NELL1: variants seen among roughly 807,000 people sequenced by gnomAD.
NELL1 encodes the protein protein kinase C-binding protein NELL1.
Under a neutral mutation model 107.4 loss-of-function variants are expected in NELL1, and 76 were observed. That is an observed-to-expected ratio of 0.71 (90% CI 0.59 to 0.86). The LOEUF is 0.86. Among genes scored for constraint, NELL1 ranks in the 40% least tolerant of loss-of-function variants. The probability of loss-of-function intolerance (pLI) is 0.00; values close to 1 mark genes in which losing one functional copy is unlikely to be tolerated. For missense variants in NELL1, 1,024 were observed against 1,005.5 expected (o/e 1.02, Z -0.25); for synonymous variants, 353 against 341.2 (o/e 1.03, Z -0.38).
intron 14 of NELL1, among the ~76,000 whole-genome samples, chr11:21,285,329 T>G (rs1565148424): frequency 6.6e-6 from 1 of 152,198 alleles, no homozygotes; most frequent in Non-Finnish European, 1.5e-5. Context: ...TCTCTTTATC[T>G]TGGTCATTAA....
At chr11:21,050,756 A>T (rs1433070690) in intron 12 of NELL1, among the ~76,000 whole-genome samples, 1 of 152,160 alleles carries the variant, frequency 6.6e-6, no homozygotes, top group Non-Finnish European at 1.5e-5. Context: ...TCATCTGTAT[A>T]GTAAGGAGGT....
intron 15 of NELL1, among the ~76,000 whole-genome samples, chr11:21,372,648 A>G (rs1234290547): frequency 6.6e-6 from 1 of 151,926 alleles, no homozygotes; most frequent in African/African-American, 2.4e-5. Context: ...ATTAAAATAC[A>G]TATTCTTGGG....
At chr11:21,532,581 A>G (rs1300821839) in intron 15 of NELL1, among the ~76,000 whole-genome samples, 1 of 152,162 alleles carries the variant, frequency 6.6e-6, no homozygotes, top group African/African-American at 2.4e-5. Context: ...GATTTCCCAA[A>G]ACGCTAACCA....
chr11:21,426,510 G>T (rs753648773), intron 15 of NELL1, among the ~76,000 whole-genome samples: 1 of 152,190 alleles, frequency 6.6e-6, no homozygotes, highest in Admixed American at 6.5e-5. Context: ...TTCTTGAGGA[G>T]ACATACTATG....
chr11:21,050,780 C>G (rs1853473585), intron 12 of NELL1, among the ~76,000 whole-genome samples: 1 of 152,112 alleles, frequency 6.6e-6, no homozygotes, highest in African/African-American at 2.4e-5. Flanking sequence ...ACTCTAGGAC[C>G]ACAAAGATTC....
At chr11:20,744,914 C>T (rs1855969947) in intron 2 of NELL1, among the ~76,000 whole-genome samples, 1 of 152,152 alleles carries the variant, frequency 6.6e-6, no homozygotes, top group Non-Finnish European at 1.5e-5. Context: ...AATACAGTTG[C>T]CCAGATCTTC....
rs59669806 is a variant in NELL1 at position 20,855,177 on chromosome 11, CT to C, written c.506+7438del. On this transcript the variant is annotated intron_variant, in intron 4 of 19. Transcript: ENST00000357134. ...AATTTTTAAGAACCTTCAACTTTTT[CT>C]TTTTTTTTTTTTTCTGGTGGGTTTA... Among the ~76,000 whole-genome samples, 1,241 of 140,586 alleles carry C rather than the reference CT, an allele frequency of 8.8e-3. 12 individuals carry two copies. The highest frequency in any genetic ancestry group is 0.024 in the African/African-American group (907 of 38,550). The allele number at this position is 140,586 out of a possible 152,430, so 92.2% of individuals were successfully genotyped here.
chr11:20,820,790 C>T (rs1857732965), intron 3 of NELL1, among the ~76,000 whole-genome samples: 1 of 152,150 alleles, frequency 6.6e-6, no homozygotes, highest in Non-Finnish European at 1.5e-5. Context: ...AGATTTACAC[C>T]TTATTAGAGA....
intron 13 of NELL1, among the ~76,000 whole-genome samples, chr11:21,148,974 C>T (rs1856049426): frequency 1.3e-5 from 2 of 152,236 alleles, no homozygotes; most frequent in Non-Finnish European, 2.9e-5. Flanking sequence ...GTTTTTTCTT[C>T]CCTACTCTGT....
chr11:20,700,806 G>C (rs1854759432), intron 2 of NELL1, among the ~76,000 whole-genome samples: 1 of 151,970 alleles, frequency 6.6e-6, no homozygotes, highest in African/African-American at 2.4e-5. Flanking sequence ...ATGGTTTCCA[G>C]TTTCATCCAT....
rs186196404 is a variant in NELL1, at chr11:21,524,904, G to C, written c.1646-9470G>C. The stretch of plus-strand genomic sequence containing the variant: ...ATGACAGTGAGGAAGGAGTGCTGGG[G>C]AGGAAAATGAATTTGGTACATAGAA... On this transcript the variant is annotated intron_variant, in intron 15 of 19. Transcript: ENST00000357134. 7.8e-3 allele frequency among the ~76,000 whole-genome samples: 1,185 copies of C among 152,236 alleles called. 14 individuals are homozygous for C. The highest frequency in any genetic ancestry group is 0.011 in the Non-Finnish European group (762 of 67,994).
chr11:21,449,875 T>A (rs1235076927), intron 15 of NELL1, among the ~76,000 whole-genome samples: 1 of 152,214 alleles, frequency 6.6e-6, no homozygotes, highest in Non-Finnish European at 1.5e-5. Flanking sequence ...TATAAGTAAA[T>A]CTATTTCTGG....
chr11:20,912,221 A>G (rs1458798914), intron 5 of NELL1, among the ~76,000 whole-genome samples: 6 of 152,172 alleles, frequency 3.9e-5, no homozygotes, highest in African/African-American at 1.4e-4. Context: ...CTGCTGATTA[A>G]ATAGCAGAGG....
chr11:21,348,476 C>G (rs181578375), intron 14 of NELL1, among the ~76,000 whole-genome samples: 1 of 152,146 alleles, frequency 6.6e-6, no homozygotes, highest in East Asian at 1.9e-4. Context: ...TAAAATGTGT[C>G]TGGTGCTTTA....
At chr11:21,396,364 A>G (rs10766797) in intron 15 of NELL1, among the ~76,000 whole-genome samples, 80,937 of 151,356 alleles carry the variant, frequency 0.53, 22,347 homozygotes, top group Middle Eastern at 0.62. Context: ...ATATAAAAGA[A>G]TCTATGGTTA....
intron 14 of NELL1, among the ~76,000 whole-genome samples, chr11:21,330,282 T>C (rs1345233875): frequency 1.3e-5 from 2 of 152,198 alleles, no homozygotes; most frequent in African/African-American, 4.8e-5. Flanking sequence ...GCATTTATAC[T>C]GTCTTTAAAA....
chr11:21,575,224 T>G lies in NELL1; in HGVS notation c.*202T>G, dbSNP rs1857193824. On this transcript the variant is annotated 3_prime_UTR_variant, in exon 20 of 20. Transcript: ENST00000357134. ...CTCATTCTTGCTAACCTAGTCTAGG[T>G]GACCTACAGTGCCGTGCATTTAAGT... The G allele has an allele frequency of 7.1e-6, 4 of 565,756 alleles. No homozygotes were observed. The South Asian group carries it at 8.7e-5, about 12-fold the overall frequency. 35.0% of individuals were successfully genotyped at this position (565,756 alleles called of 1,614,324 possible). A position where few individuals can be genotyped will look rare whatever the true frequency, so the allele number is the denominator to read the frequency against.
intron 15 of NELL1, among the ~76,000 whole-genome samples, chr11:21,510,015 G>A (rs1026803709): frequency 3.9e-5 from 6 of 152,158 alleles, no homozygotes; most frequent in Admixed American, 3.9e-4. Flanking sequence ...TGTACATGGT[G>A]ATAACCCACG....
intron 14 of NELL1, among the ~76,000 whole-genome samples, chr11:21,236,758 A>T (rs1858217410): frequency 6.6e-6 from 1 of 152,150 alleles, no homozygotes; most frequent in South Asian, 2.1e-4. Flanking sequence ...TGCAATTATA[A>T]TATGAGCTAG....
Sources: allele counts gnomAD v4.1 joint callset (sites outside exome capture counted in the v4.1 genomes callset), GRCh38; gene constraint gnomAD v4.1.1; transcripts MANE v1.5; gene names NCBI Gene and HGNC (gene_info 2026-07-23, HGNC 2026-07-21).